The following PRXL2C variants were observed in gnomAD, a reference collection of about 807,000 sequenced individuals.
The protein encoded by PRXL2C is peroxiredoxin-like 2C.
PRXL2C carries 38 observed loss-of-function variants against 24.9 expected under a neutral mutation model. The ratio of observed to expected loss-of-function variants is 1.53; its 90% confidence interval spans 1.18 to 2.00. The LOEUF is 2.00. Among genes scored for constraint, PRXL2C ranks in the 30% most tolerant of loss-of-function variants. The pLI, the probability that PRXL2C is intolerant of heterozygous loss-of-function variation, is 0.00. For synonymous variants in PRXL2C, 98 were observed against 117.2 expected (o/e 0.84, Z 1.06); for missense variants, 294 against 290.9 (o/e 1.01, Z -0.08).
rs1323148507 is a variant in PRXL2C at position 96,655,192 on chromosome 9, C to G, written c.90G>C (p.Leu30=). The change falls in exon 1 of 6, where the codon CTG becomes CTC. Residue 30 remains leucine (L), a synonymous_variant. Transcript: ENST00000375234. ...CCGGCAGCTCGGCCACGGCGGCCGC[C>G]AGGGGCTGCCCGCTGTCGGGGCCGC... is the stretch of plus-strand genomic sequence containing the variant. The part of the protein sequence containing the change: ...APSGPDSGQP[L]AAAVAELPVL... 1 of 1,202,950 alleles carries G rather than the reference C, an allele frequency of 8.3e-7. No individual in the cohort carries two copies. The highest frequency in any genetic ancestry group is 1.6e-5 in the African/African-American group (1 of 62,442). 74.5% of individuals were successfully genotyped at this position (1,202,950 alleles called of 1,614,324 possible).
rs191430946 is a variant in PRXL2C, at chr9:96,650,260, G to C, written c.421+1130C>G. Reference sequence around the variant, plus strand: ...CTATGTATTTTATCACTGTCCTCCTGGGAGCATCCAACACAGTGGGTATCA... The same window carrying C: ...CTATGTATTTTATCACTGTCCTCCTCGGAGCATCCAACACAGTGGGTATCA... On this transcript the variant is annotated intron_variant, in intron 4 of 5. Coordinates refer to ENST00000375234, the MANE Select transcript of PRXL2C (RefSeq NM_153698.2). Among the ~76,000 whole-genome samples, 60 of 152,266 alleles carry C rather than the reference G, an allele frequency of 3.9e-4. No homozygotes were observed. In the East Asian group the frequency reaches 0.011, roughly 27 times the overall value.
rs1848104694 is a variant in PRXL2C, at chr9:96,640,862, T to TCCC, written c.*894_*896dup. ...AAAAAAAAAAAAAAATTCTTATAGT[T>TCCC]CCCTTTCAAAAAGCACACTGACCAT... On this transcript the variant is annotated 3_prime_UTR_variant, in exon 6 of 6. Transcript: ENST00000375234. 1 of 151,660 alleles carries TCCC rather than the reference T, an allele frequency of 6.6e-6. No homozygotes were observed. The allele number at this position is 151,660 out of a possible 1,614,324, so 9.4% of individuals were successfully genotyped here. A position where few individuals can be genotyped will look rare whatever the true frequency, so the allele number is the denominator to read the frequency against.
rs563025392 is a variant in PRXL2C, at chr9:96,654,978, G to A, written c.192+112C>T. 350 of 1,309,294 alleles carry A rather than the reference G, an allele frequency of 2.7e-4. 8 individuals are homozygous for A. The South Asian group carries it at 5.5e-3, about 21-fold the overall frequency. The allele number at this position is 1,309,294 out of a possible 1,614,324, so 81.1% of individuals were successfully genotyped here. A position where few individuals can be genotyped will look rare whatever the true frequency, so the allele number is the denominator to read the frequency against. On this transcript the variant is annotated intron_variant, in intron 1 of 5. Coordinates refer to ENST00000375234, the MANE Select transcript of PRXL2C (RefSeq NM_153698.2). ...CCTAGTTGGGAAGCGGCCGCGACTG[G>A]GCAGGCTGCCTTCCCGTTTCCGTCC...
chr9:96,639,924 C>CG lies in PRXL2C; in HGVS notation c.*1834_*1835insC, dbSNP rs1164893168. Reference sequence around the variant, plus strand: ...CCTGACCGACATGGAGAAACTCCATCTTTACTAAAAAATAGAAACTTAGCC... The same window carrying CG: ...CCTGACCGACATGGAGAAACTCCATCGTTTACTAAAAAATAGAAACTTAGCC... On this transcript the variant is annotated 3_prime_UTR_variant, in exon 6 of 6. Coordinates refer to ENST00000375234, the MANE Select transcript of PRXL2C (RefSeq NM_153698.2). The CG allele has an allele frequency of 2.0e-5, 3 of 151,718 alleles. No individual in the cohort carries two copies. Among genetic ancestry groups the CG allele is most frequent in the African/African-American group, 7.3e-5 (3 of 41,284 alleles). The allele number at this position is 151,718 out of a possible 1,614,324, so 9.4% of individuals were successfully genotyped here. A position where few individuals can be genotyped will look rare whatever the true frequency, so the allele number is the denominator to read the frequency against.
At chr9:96,647,037 G>A (rs943099252) in intron 4 of PRXL2C, among the ~76,000 whole-genome samples, 2 of 152,030 alleles carry the variant, frequency 1.3e-5, no homozygotes, top group Admixed American at 6.6e-5. Context: ...TGATCTGCCC[G>A]CCTTGGCCTC....
In PRXL2C at chr9:96,646,042, G is replaced by C. The variant is rs1271126192; in HGVS notation, c.422-18C>G. On this transcript the variant is annotated intron_variant, in intron 4 of 5. Coordinates refer to ENST00000375234, the MANE Select transcript of PRXL2C (RefSeq NM_153698.2). ...GCTCTGTCCTGAAATGTCGAAAATT[G>C]TCTTTAGATGTCATTTTATATTCAA... The C allele has an allele frequency of 6.4e-7, 1 of 1,574,786 alleles. No individual in the cohort carries two copies. The highest frequency in any genetic ancestry group is 1.2e-5 in the South Asian group (1 of 85,206).
intron 5 of PRXL2C, among the ~76,000 whole-genome samples, chr9:96,645,665 C>T (rs576913552): frequency 1.3e-5 from 2 of 151,774 alleles, no homozygotes; most frequent in Admixed American, 6.6e-5. Context: ...GGCGTCGTGG[C>T]GGGCACCTGT....
rs1418093970 is a variant in PRXL2C, at chr9:96,641,726, G to A, written c.*33C>T. The stretch of plus-strand genomic sequence containing the variant: ...AGGCATTGAAGGTCACATTCCAGAA[G>A]GTCCAGTTGAAAGTGACTGAGTGCA... On this transcript the variant is annotated 3_prime_UTR_variant, in exon 6 of 6. Coordinates refer to ENST00000375234, the MANE Select transcript of PRXL2C (RefSeq NM_153698.2). 6.5e-7 allele frequency: 1 copy of A among 1,528,134 alleles called. No homozygotes were observed. Among genetic ancestry groups the A allele is most frequent in the Admixed American group, 1.8e-5 (1 of 57,020 alleles). The allele number at this position is 1,528,134 out of a possible 1,614,324, so 94.7% of individuals were successfully genotyped here.
Position 96,645,900 on chromosome 9 carries a change from T to A in PRXL2C, c.546A>T (p.Leu182Phe), listed in dbSNP as rs750561161. 6.2e-7 allele frequency: 1 copy of A among 1,610,120 alleles called. No homozygotes were observed. Among genetic ancestry groups the A allele is most frequent in the Admixed American group, 1.7e-5 (1 of 59,188 alleles). Reference protein sequence around the residue: ...DPAQQGGTLILGPGNNIHFIH... With the variant: ...DPAQQGGTLIFGPGNNIHFIH... ...CTGGGCTTTGATGCTTACCTGGACC[T>A]AAAATGAGGGTTCCACCTTGCTGAG... The change falls in exon 5 of 6, where the codon TTA becomes TTT. Residue 182 changes from leucine to phenylalanine, a missense_variant. Coordinates refer to ENST00000375234, the MANE Select transcript of PRXL2C (RefSeq NM_153698.2).
intron 1 of PRXL2C, 49 bp from the exon 2 acceptor site, chr9:96,654,822 G>C (rs773574655): frequency 6.6e-6 from 10 of 1,507,216 alleles, no homozygotes; most frequent in Non-Finnish European, 5.4e-6. Context: ...CAGCACCCTC[G>C]GGCCCCGAAG....
intron 4 of PRXL2C, among the ~76,000 whole-genome samples, chr9:96,648,174 AAT>A (rs1417259987): frequency 6.6e-6 from 1 of 152,198 alleles, no homozygotes; most frequent in Non-Finnish European, 1.5e-5. Flanking sequence ...AAGTGCTAGG[AAT>A]GCAGGTGTGA....
chr9:96,654,772 TGCTGAAAGCCAA>T lies in PRXL2C; in HGVS notation c.193-11_193del. ...TTCCTTGCAGATGTAACACAGGAAA[TGCTGAAAGCCAA>T]AACGGCAGAAAGGGCAAGTTAGTAA... On this transcript the variant is annotated splice_acceptor_variant and splice_polypyrimidine_tract_variant and coding_sequence_variant and intron_variant, in exon 2 of 6. Coordinates refer to ENST00000375234, the MANE Select transcript of PRXL2C (RefSeq NM_153698.2). LOFTEE classifies it high-confidence loss of function. The T allele has an allele frequency of 6.4e-7, 1 of 1,561,152 alleles. No individual in the cohort carries two copies. Among genetic ancestry groups the T allele is most frequent in the Non-Finnish European group, 8.7e-7 (1 of 1,151,474 alleles).
chr9:96,655,258 C>T lies in PRXL2C; in HGVS notation c.24G>A (p.Thr8=), dbSNP rs1172128858. 2.8e-5 allele frequency: 31 copies of T among 1,101,110 alleles called. No homozygotes were observed. Among genetic ancestry groups the T allele is most frequent in the Non-Finnish European group, 2.8e-5 (25 of 905,780 alleles). 68.2% of individuals were successfully genotyped at this position (1,101,110 alleles called of 1,614,324 possible). The change falls in exon 1 of 6, where the codon ACG becomes ACA. Residue 8 remains threonine (T), a synonymous_variant. Transcript: ENST00000375234. MAAPAPV[T]RQVSGAAALV... is the part of the protein sequence containing the mutation. ...GGGCGGCGGCGCCGCTAACCTGCCG[C>T]GTGACCGGGGCCGGCGCGGCCATGA...
rs1207126372 is a variant in PRXL2C at position 96,654,686 on chromosome 9, C to T, written c.261+19G>A. The T allele has an allele frequency of 7.1e-6, 11 of 1,554,398 alleles. No homozygotes were observed. The highest frequency in any genetic ancestry group is 3.9e-5 in the Admixed American group (2 of 51,150). On this transcript the variant is annotated intron_variant, in intron 2 of 5. Transcript: ENST00000375234. ...GTCTGCAGAAGCGGGCACTGGGCCGCCCACGCTGGGAAACTCACTTGTAAG... is the reference window on the plus strand; with the variant it reads ...GTCTGCAGAAGCGGGCACTGGGCCGTCCACGCTGGGAAACTCACTTGTAAG...
In PRXL2C at chr9:96,647,115, G is replaced by A. The variant is rs1174828071; in HGVS notation, c.422-1091C>T. On this transcript the variant is annotated intron_variant, in intron 4 of 5. Transcript: ENST00000375234. ...CCGTTCTTGAAATTTAAGATAAAAAGAAATAACCTCCTACCATGTCATGCT... is the reference window on the plus strand; with the variant it reads ...CCGTTCTTGAAATTTAAGATAAAAAAAAATAACCTCCTACCATGTCATGCT... Among the ~76,000 whole-genome samples the A allele has an allele frequency of 3.9e-5, 6 of 152,136 alleles. No homozygotes were observed. In the East Asian group the frequency reaches 5.8e-4, roughly 15 times the overall value.
chr9:96,641,534 T>C lies in PRXL2C; in HGVS notation c.*225A>G, dbSNP rs1265965045. The C allele has an allele frequency of 2.9e-6, 1 of 341,700 alleles. No individual in the cohort carries two copies. The highest frequency in any genetic ancestry group is 2.1e-5 in the African/African-American group (1 of 47,458). 21.2% of individuals were successfully genotyped at this position (341,700 alleles called of 1,614,324 possible). A position where few individuals can be genotyped will look rare whatever the true frequency, so the allele number is the denominator to read the frequency against. On this transcript the variant is annotated 3_prime_UTR_variant, in exon 6 of 6. Coordinates refer to ENST00000375234, the MANE Select transcript of PRXL2C (RefSeq NM_153698.2). ...AGTTATATTTTGTATATTCATTTTT[T>C]TTGTATAAAATGTTAAAAGTTATAA...
intron 5 of PRXL2C, among the ~76,000 whole-genome samples, chr9:96,643,214 C>T (rs1319552306): frequency 3.9e-5 from 6 of 152,098 alleles, no homozygotes; most frequent in Admixed American, 6.6e-5. Flanking sequence ...CAAGTTGGCA[C>T]ACAAATGATG....
At chr9:96,644,037 G>A (rs1163706342) in intron 5 of PRXL2C, among the ~76,000 whole-genome samples, 2 of 151,192 alleles carry the variant, frequency 1.3e-5, no homozygotes, top group South Asian at 2.1e-4. Flanking sequence ...GGAGACTGAG[G>A]CAGGAAAATC....
At chr9:96,653,840 G>GTT (rs532978133) in intron 2 of PRXL2C, among the ~76,000 whole-genome samples, 4 of 146,954 alleles carry the variant, frequency 2.7e-5, no homozygotes, top group African/African-American at 2.5e-5. Flanking sequence ...CTGTAGCACA[G>GTT]TTTTTTTTTT....
Sources: gnomAD v4.1 joint callset for allele counts (sites outside exome capture counted in the v4.1 genomes callset) on GRCh38, gnomAD v4.1.1 for gene constraint, MANE v1.5 for transcripts, NCBI Gene and HGNC (gene_info 2026-07-23, HGNC 2026-07-21) for gene names.